The following BMP2K variants were observed in gnomAD, a reference collection of about 807,000 sequenced individuals.
BMP2K encodes BMP-2-inducible protein kinase.
A neutral mutation model predicts 116.0 loss-of-function variants in BMP2K; 74 were observed. The ratio of observed to expected loss-of-function variants is 0.64; its 90% CI spans 0.53 to 0.77. BMP2K has a LOEUF of 0.77. Among genes scored for constraint, BMP2K ranks in the 30% least tolerant of loss-of-function variants. The pLI is 0.00. For missense variants in BMP2K, 1,365 were observed against 1,403.6 expected, an observed-to-expected ratio of 0.97 and a Z score of 0.44; for synonymous variants, 486 against 502.5, an observed-to-expected ratio of 0.97 and a Z score of 0.44.
chr4:78,808,385 C>G (rs2109967668), intron 1 of BMP2K, among the ~76,000 whole-genome samples: 1 of 152,010 alleles, frequency 6.6e-6, no homozygotes, highest in African/African-American at 2.4e-5. Flanking sequence ...CCCGCCTCAC[C>G]CTCCTGAGTA....
intron 2 of BMP2K, among the ~76,000 whole-genome samples, chr4:78,833,043 C>T (rs1394846207): frequency 6.6e-6 from 1 of 151,908 alleles, no homozygotes. Flanking sequence ...GTTTCATTTT[C>T]TTATTTCCTT....
Position 78,851,060 on chromosome 4 carries a change from A to C in BMP2K, c.883+4A>C, listed in dbSNP as rs1203600526. 6.2e-7 allele frequency: 1 copy of C among 1,605,342 alleles called. No individual in the cohort carries two copies. The highest frequency in any genetic ancestry group is 1.7e-5 in the Admixed American group (1 of 59,350). On this transcript the variant is annotated splice_donor_region_variant and intron_variant, in intron 7 of 15. Coordinates refer to ENST00000502613, the MANE Select transcript of BMP2K (RefSeq NM_198892.2). ...CGTAACATACATTGCTTAATAAGTAAGTATTTGGGAAAATGTATGAAAATA... is the reference window on the plus strand; with the variant it reads ...CGTAACATACATTGCTTAATAAGTACGTATTTGGGAAAATGTATGAAAATA...
At chr4:78,838,067 G>A (rs1341845897) in intron 3 of BMP2K, among the ~76,000 whole-genome samples, 1 of 152,208 alleles carries the variant, frequency 6.6e-6, no homozygotes, top group Admixed American at 6.5e-5. Flanking sequence ...ACAGTTCCAT[G>A]TGGCTGGGGA....
intron 1 of BMP2K, among the ~76,000 whole-genome samples, chr4:78,818,920 C>A (rs1729487338): frequency 6.6e-6 from 1 of 151,896 alleles, no homozygotes; most frequent in Admixed American, 6.6e-5. Context: ...CTTCCGCCTC[C>A]TGAGTTGTTG....
chr4:78,896,732 G>GT (rs1236901553), intron 15 of BMP2K, among the ~76,000 whole-genome samples: 2 of 152,236 alleles, frequency 1.3e-5, no homozygotes, highest in Admixed American at 6.5e-5. Flanking sequence ...TATTTAAACT[G>GT]TTTTTTATCA....
Position 78,902,406 on chromosome 4 carries a change from C to T in BMP2K, c.2063-8204C>T, listed in dbSNP as rs114289454. Among the ~76,000 whole-genome samples the T allele has an allele frequency of 4.4e-3, 671 of 151,902 alleles. 2 individuals carry two copies. The highest frequency in any genetic ancestry group is 0.015 in the African/African-American group (634 of 41,306). On this transcript the variant is annotated intron_variant, in intron 15 of 15. Transcript: ENST00000502613. Reference sequence around the variant, plus strand: ...TAGGATTCTCTTCTTATACTCAAACCCTGTCACTTGGCCTGCCTTCTGAGA... The same window carrying T: ...TAGGATTCTCTTCTTATACTCAAACTCTGTCACTTGGCCTGCCTTCTGAGA...
rs1165690273 is a variant in BMP2K, at chr4:78,829,767, TTTCTTTTCTTTTCTTTTCTTTTCTC to T, written c.297+3617_297+3641del. Among the ~76,000 whole-genome samples, 261 of 107,958 alleles carry T rather than the reference TTTCTTTTCTTTTCTTTTCTTTTCTC, an allele frequency of 2.4e-3. 4 individuals are homozygous for T. The highest frequency in any genetic ancestry group is 9.0e-3 in the Middle Eastern group (2 of 222). 70.8% of individuals were successfully genotyped at this position (107,958 alleles called of 152,430 possible). ...GCATGGAAACAATCTTTTCTTTTCT[TTTCTTTTCTTTTCTTTTCTTTTCTC>T]TTCTCTTCTCTTCTCTTCTCTTCTC... is the stretch of plus-strand genomic sequence containing the variant. On this transcript the variant is annotated intron_variant, in intron 2 of 15. Transcript: ENST00000502613.
chr4:78,837,904 A>G (rs891577194), intron 3 of BMP2K, among the ~76,000 whole-genome samples: 2 of 152,112 alleles, frequency 1.3e-5, no homozygotes, highest in South Asian at 2.1e-4. Context: ...CAGCCTCCCA[A>G]AGTGTTGCGA....
chr4:78,826,107 C>T lies in BMP2K; in HGVS notation c.249C>T (p.Val83=). The T allele has an allele frequency of 6.2e-7, 1 of 1,614,064 alleles. No homozygotes were observed. The highest frequency in any genetic ancestry group is 1.1e-5 in the South Asian group (1 of 91,056). The change falls in exon 2 of 16, where the codon GTC becomes GTT. Residue 83 remains valine (V), a synonymous_variant. Coordinates refer to ENST00000502613, the MANE Select transcript of BMP2K (RefSeq NM_198892.2). ...GIRCALKRMY[V]NNMPDLNVCK... is the part of the protein sequence containing the mutation. ...GATGTGCATTGAAGCGAATGTATGT[C>T]AATAACATGCCAGACCTCAATGTTT...
intron 6 of BMP2K, among the ~76,000 whole-genome samples, chr4:78,848,152 A>G (rs962391765): frequency 6.6e-6 from 1 of 151,612 alleles, no homozygotes; most frequent in African/African-American, 2.4e-5. Context: ...ATTCTTTTGT[A>G]AGGTAATTAA....
In BMP2K at chr4:78,916,172, A is replaced by G. The variant is rs1735051187; in HGVS notation, c.*4139A>G. The G allele has an allele frequency of 6.6e-6, 1 of 151,868 alleles. No homozygotes were observed. Among genetic ancestry groups the G allele is most frequent in the African/African-American group, 2.4e-5 (1 of 41,424 alleles). The allele number at this position is 151,868 out of a possible 1,614,324, so 9.4% of individuals were successfully genotyped here. A position where few individuals can be genotyped will look rare whatever the true frequency, so the allele number is the denominator to read the frequency against. Reference sequence around the variant, plus strand: ...CCCCTCCCACCCCTTTTCCCCTGCCATATCTAATTAAGCACTAACTGATTT... The same window carrying G: ...CCCCTCCCACCCCTTTTCCCCTGCCGTATCTAATTAAGCACTAACTGATTT... On this transcript the variant is annotated 3_prime_UTR_variant, in exon 16 of 16. Coordinates refer to ENST00000502613, the MANE Select transcript of BMP2K (RefSeq NM_198892.2).
In BMP2K at chr4:78,911,836, A is replaced by G; in HGVS notation, c.3289A>G (p.Thr1097Ala). ...GLSDIRADHN[T>A]VLPGRPRQNS... ...GAGCGACATCCGTGCTGATCACAAT[A>G]CTGTCCTGCCAGGGCGGCCAAGACA... The change falls in exon 16 of 16, where the codon ACT becomes GCT. Residue 1097 changes from threonine to alanine, a missense_variant. Transcript: ENST00000502613. 6.2e-7 allele frequency: 1 copy of G among 1,613,928 alleles called. No individual in the cohort carries two copies. Among genetic ancestry groups the G allele is most frequent in the South Asian group, 1.1e-5 (1 of 91,072 alleles).
Position 78,845,143 on chromosome 4 carries a change from A to G in BMP2K, c.668+94A>G, listed in dbSNP as rs1176261396. The G allele has an allele frequency of 3.7e-6, 4 of 1,072,412 alleles. No individual in the cohort carries two copies. The East Asian group carries it at 1.1e-4, about 29-fold the overall frequency. 66.4% of individuals were successfully genotyped at this position (1,072,412 alleles called of 1,614,324 possible). On this transcript the variant is annotated intron_variant, in intron 5 of 15. Coordinates refer to ENST00000502613, the MANE Select transcript of BMP2K (RefSeq NM_198892.2). ...TGCTAATACAAATTTTAGGTATTTC[A>G]TTTATAGATTTCTTTGAAATATTTC...
chr4:78,804,189 G>T (rs1226866696), intron 1 of BMP2K, among the ~76,000 whole-genome samples: 2 of 152,028 alleles, frequency 1.3e-5, no homozygotes, highest in Non-Finnish European at 2.9e-5. Flanking sequence ...TGTCTATTCT[G>T]GGCATTGCAT....
intron 1 of BMP2K, among the ~76,000 whole-genome samples, chr4:78,783,604 G>T (rs1727604341): frequency 6.6e-6 from 1 of 152,102 alleles, no homozygotes; most frequent in South Asian, 2.1e-4. Flanking sequence ...CCAGGAGTTC[G>T]AGACCAGCCT....
chr4:78,911,305 C>T lies in BMP2K; in HGVS notation c.2758C>T (p.His920Tyr), dbSNP rs1435446798. The T allele has an allele frequency of 3.1e-6, 5 of 1,613,822 alleles. No individual in the cohort carries two copies. In the African/African-American group the frequency reaches 6.7e-5, roughly 22 times the overall value. ...QECHAVGPEA[H>Y]TIPGYPKSVD... ...ATGCCATGCAGTGGGGCCTGAGGCA[C>T]ATACTATCCCTGGTTATCCCAAAAG... The change falls in exon 16 of 16, where the codon CAT (histidine) becomes TAT (tyrosine). Residue 920 changes from histidine (H) to tyrosine (Y), a missense_variant. By Grantham distance (83) the His-to-Tyr change is moderately conservative (BLOSUM62 2). Around this residue, in one of 3 missense-constraint regions of BMP2K, gnomAD observed 596 missense variants for 623.2 expected, o/e 0.96. Coordinates refer to ENST00000502613, the MANE Select transcript of BMP2K (RefSeq NM_198892.2).
Position 78,872,638 on chromosome 4 carries a change from T to C in BMP2K, c.1633T>C (p.Phe545Leu). The C allele has an allele frequency of 6.2e-7, 1 of 1,614,084 alleles. No homozygotes were observed. The highest frequency in any genetic ancestry group is 8.5e-7 in the Non-Finnish European group (1 of 1,179,980). Residue 545 changes from phenylalanine (F) to leucine (L), a missense_variant, in exon 13 of 16, where the codon TTT (phenylalanine) becomes CTT (leucine). Around this residue, in one of 3 missense-constraint regions of BMP2K, gnomAD observed 762 missense variants for 756.7 expected, o/e 1.01. Transcript: ENST00000502613. ...GATGCCGCAGTATCAGCAGGCTTTC[T>C]TTCAACAGCAGATGCTAGCTCAACA... ...TMMPQYQQAF[F>L]QQQMLAQHQP...
chr4:78,864,052 A>G (rs1731925920), intron 9 of BMP2K, among the ~76,000 whole-genome samples: 1 of 152,158 alleles, frequency 6.6e-6, no homozygotes, highest in Admixed American at 6.6e-5. Context: ...GCTGGATATC[A>G]GTAAATGTAC....
Position 78,915,492 on chromosome 4 carries a change from T to C in BMP2K, c.*3459T>C, listed in dbSNP as rs1734965431. On this transcript the variant is annotated 3_prime_UTR_variant, in exon 16 of 16. Coordinates refer to ENST00000502613, the MANE Select transcript of BMP2K (RefSeq NM_198892.2). ...CATTTTTTTTTCTTTTTAGCAAACT[T>C]GTTATTTTAGGTCCAATTATTGAGT... 1.3e-5 allele frequency: 2 copies of C among 152,048 alleles called. No individual in the cohort carries two copies. The highest frequency in any genetic ancestry group is 4.8e-5 in the African/African-American group (2 of 41,520). 9.4% of individuals were successfully genotyped at this position (152,048 alleles called of 1,614,324 possible).
Sources: allele counts gnomAD v4.1 joint callset (sites outside exome capture counted in the v4.1 genomes callset), GRCh38; gene constraint gnomAD v4.1.1; regional missense constraint gnomAD v4.1.1; transcripts MANE v1.5; gene names NCBI Gene and HGNC (gene_info 2026-07-23, HGNC 2026-07-21).